ASAP1: variants seen among roughly 807,000 people sequenced by gnomAD.
ASAP1 encodes ArfGAP with SH3 domain, ankyrin repeat and PH domain 1.
A neutral mutation model predicts 145.2 loss-of-function variants in ASAP1; 43 were observed. The ratio of observed to expected loss-of-function variants is 0.30; its 90% confidence interval spans 0.23 to 0.38. The LOEUF is 0.38. Ranked by LOEUF, ASAP1 falls within the 10% of genes least tolerant of loss-of-function variation. The probability of loss-of-function intolerance (pLI) is 1.00; values close to 1 mark genes in which losing one functional copy is unlikely to be tolerated. For synonymous variants in ASAP1, 546 were observed against 515.5 expected (o/e 1.06, Z -0.80); for missense variants, 1,018 against 1,355.3 (o/e 0.75, Z 3.91).
At chr8:130,321,883 T>G (rs1824029481) in intron 3 of ASAP1, among the ~76,000 whole-genome samples, 1 of 152,248 alleles carries the variant, frequency 6.6e-6, no homozygotes, top group Non-Finnish European at 1.5e-5. Flanking sequence ...CTTTTAATTT[T>G]CTATGATAAA....
chr8:130,263,126 G>T (rs138883395), intron 3 of ASAP1, among the ~76,000 whole-genome samples: 7 of 152,252 alleles, frequency 4.6e-5, no homozygotes, highest in Non-Finnish European at 7.4e-5. Flanking sequence ...GTCTGATTAC[G>T]TGTGTTGATC....
At chr8:130,151,921 T>C (rs563708962) in intron 13 of ASAP1, among the ~76,000 whole-genome samples, 1 of 152,340 alleles carries the variant, frequency 6.6e-6, no homozygotes, top group East Asian at 1.9e-4. Flanking sequence ...TTACAGCTGT[T>C]CTTTGTGCTT....
At chr8:130,237,708 T>C (rs1300941859) in intron 3 of ASAP1, among the ~76,000 whole-genome samples, 1 of 152,108 alleles carries the variant, frequency 6.6e-6, no homozygotes, top group Non-Finnish European at 1.5e-5. Context: ...GTACAGGATA[T>C]ACCATTGTGT....
chr8:130,313,620 C>T (rs189439386), intron 3 of ASAP1, among the ~76,000 whole-genome samples: 1 of 152,164 alleles, frequency 6.6e-6, no homozygotes, highest in Non-Finnish European at 1.5e-5. Context: ...AACACATAAT[C>T]AACGTCCTCA....
chr8:130,423,905 G>A (rs1829816762), intron 1 of ASAP1, among the ~76,000 whole-genome samples: 1 of 152,018 alleles, frequency 6.6e-6, no homozygotes, highest in South Asian at 2.1e-4. Flanking sequence ...TGGGGGAGGA[G>A]AATTGGGAAA....
At chr8:130,357,644 C>T (rs567659099) in intron 3 of ASAP1, among the ~76,000 whole-genome samples, 7 of 152,350 alleles carry the variant, frequency 4.6e-5, no homozygotes, top group African/African-American at 1.7e-4. Context: ...GGCTGCACTA[C>T]TTCGCCTCTG....
intron 3 of ASAP1, 150 bp downstream of exon 3, chr8:130,357,867 G>GGCCTGGCGCGCGGC: frequency 9.1e-7 from 1 of 1,100,248 alleles, no homozygotes; most frequent in Non-Finnish European, 1.3e-6. Flanking sequence ...GGCGCCGCCC[G>GGCCTGGCGCGCGGC]TCCGAAGTCC....
intron 3 of ASAP1, among the ~76,000 whole-genome samples, chr8:130,283,296 A>C (rs1821363775): frequency 6.6e-6 from 1 of 152,058 alleles, no homozygotes; most frequent in African/African-American, 2.4e-5. Flanking sequence ...AAAACCAAAA[A>C]AACACTGGGT....
intron 7 of ASAP1, 125 bp downstream of exon 7, chr8:130,187,111 G>A (rs185728246): frequency 2.5e-6 from 2 of 789,584 alleles, no homozygotes; most frequent in Non-Finnish European, 4.0e-6. Flanking sequence ...TACTAAACAG[G>A]TTTTTGTTGA....
intron 24 of ASAP1, among the ~76,000 whole-genome samples, chr8:130,094,616 C>T (rs549223631): frequency 3.9e-5 from 6 of 152,204 alleles, no homozygotes; most frequent in African/African-American, 1.4e-4. Context: ...CATTTTGCAG[C>T]CGAGAACTCA....
chr8:130,298,110 T>C (rs1182246360), intron 3 of ASAP1, among the ~76,000 whole-genome samples: 1 of 152,184 alleles, frequency 6.6e-6, no homozygotes, highest in Non-Finnish European at 1.5e-5. Flanking sequence ...CTAACATTTT[T>C]GGCCTCTAGG....
At chr8:130,161,291 A>T (rs1319905710) in intron 11 of ASAP1, among the ~76,000 whole-genome samples, 2 of 152,178 alleles carry the variant, frequency 1.3e-5, no homozygotes, top group African/African-American at 4.8e-5. Flanking sequence ...AGCTGAACCA[A>T]CCACTGGCTA....
chr8:130,120,253 T>G lies in ASAP1; in HGVS notation c.1608-1578A>C, dbSNP rs531120803. 2.0e-5 allele frequency among the ~76,000 whole-genome samples: 3 copies of G among 152,366 alleles called. No homozygotes were observed. In the South Asian group the frequency reaches 6.2e-4, roughly 32 times the overall value. ...ACCAAAAGAACGGCCCAAGCCTGGC[T>G]TCTGAGGCCTCTGCTGCATGTGTCT... On this transcript the variant is annotated intron_variant, in intron 18 of 29. Transcript: ENST00000518721.
chr8:130,066,164 C>G lies in ASAP1; in HGVS notation c.2702-5095G>C, dbSNP rs191257405. Among the ~76,000 whole-genome samples, 84 of 152,256 alleles carry G rather than the reference C, an allele frequency of 5.5e-4. 1 individual carries two copies. Among genetic ancestry groups the G allele is most frequent in the Admixed American group, 5.3e-3 (81 of 15,292 alleles). On this transcript the variant is annotated intron_variant, in intron 27 of 29. Coordinates refer to ENST00000518721, the MANE Select transcript of ASAP1 (RefSeq NM_018482.4). ...GACAGAGGTATTTCCTTTGCCTTCCCAATAAAATCTCCCCTTGCCCATATA... is the reference window on the plus strand; with the variant it reads ...GACAGAGGTATTTCCTTTGCCTTCCGAATAAAATCTCCCCTTGCCCATATA...
At chr8:130,194,856 A>G (rs1206880355) in intron 5 of ASAP1, among the ~76,000 whole-genome samples, 2 of 152,176 alleles carry the variant, frequency 1.3e-5, no homozygotes, top group South Asian at 2.1e-4. Context: ...AAAGACAATG[A>G]GTCAGCAGGG....
intron 3 of ASAP1, among the ~76,000 whole-genome samples, chr8:130,351,717 T>G (rs1333426765): frequency 6.6e-6 from 1 of 152,128 alleles, no homozygotes; most frequent in Non-Finnish European, 1.5e-5. Context: ...AGAACTCACT[T>G]ATCACCAAGG....
intron 1 of ASAP1, among the ~76,000 whole-genome samples, chr8:130,438,925 G>A (rs568801038): frequency 2.0e-5 from 3 of 152,282 alleles, no homozygotes; most frequent in African/African-American, 7.2e-5. Flanking sequence ...AGGCTGCAAA[G>A]ATATCCTCAT....
intron 8 of ASAP1, 84 bp from the exon 9 acceptor site, chr8:130,179,433 C>A: frequency 1.3e-6 from 1 of 781,450 alleles, no homozygotes; most frequent in South Asian, 1.5e-5. Flanking sequence ...AACATCACCC[C>A]TGAATCTGCA....
chr8:130,060,075 CAA>C (rs55875346), intron 28 of ASAP1, among the ~76,000 whole-genome samples: 13 of 95,896 alleles, frequency 1.4e-4, no homozygotes, highest in African/African-American at 3.9e-4. Flanking sequence ...GAGCCCTTCT[CAA>C]AAAAAAAAAA....
Sources: allele counts gnomAD v4.1 joint callset (sites outside exome capture counted in the v4.1 genomes callset), GRCh38; gene constraint gnomAD v4.1.1; transcripts MANE v1.5; gene names NCBI Gene and HGNC (gene_info 2026-07-23, HGNC 2026-07-21).